The following MTUS2 variants were observed in gnomAD, a reference collection of about 807,000 sequenced individuals.
The protein encoded by MTUS2 is microtubule associated scaffold protein 2, also known as microtubule-associated tumor suppressor candidate 2.
A neutral mutation model predicts 114.1 loss-of-function variants in MTUS2; 40 were observed. The ratio of observed to expected loss-of-function variants is 0.35; its 90% confidence interval spans 0.27 to 0.46. The LOEUF (loss-of-function observed/expected upper bound fraction) is 0.46, where lower values mean the gene tolerates loss of function less well. MTUS2 is among the 20% of genes least tolerant of loss of function. The pLI is 1.00. For synonymous variants in MTUS2, 688 were observed against 672.0 expected, an observed-to-expected ratio of 1.02 and a Z score of -0.37; for missense variants, 1,679 against 1,705.4, an observed-to-expected ratio of 0.98 and a Z score of 0.27.
intron 2 of MTUS2, among the ~76,000 whole-genome samples, chr13:28,846,908 C>T (rs1208301855): frequency 6.6e-6 from 1 of 152,210 alleles, no homozygotes; most frequent in Non-Finnish European, 1.5e-5. Context: ...GGGCTGTATG[C>T]TTCTTCAGTG....
At chr13:29,338,499 A>G (rs906229514) in intron 7 of MTUS2, among the ~76,000 whole-genome samples, 1 of 152,162 alleles carries the variant, frequency 6.6e-6, no homozygotes, top group Non-Finnish European at 1.5e-5. Flanking sequence ...CTGAGGCAGG[A>G]GAATCGCTTG....
intron 9 of MTUS2, among the ~76,000 whole-genome samples, chr13:29,440,391 A>AG (rs1877746688): frequency 6.6e-6 from 1 of 152,222 alleles, no homozygotes; most frequent in African/African-American, 2.4e-5. Context: ...CAGATGTTCC[A>AG]TGGCTTCCTG....
At chr13:29,217,808 C>G (rs780720461) in intron 5 of MTUS2, among the ~76,000 whole-genome samples, 2 of 152,124 alleles carry the variant, frequency 1.3e-5, no homozygotes, top group Non-Finnish European at 2.9e-5. Flanking sequence ...ATTTTAAATT[C>G]TTTTTTGTCA....
chr13:29,464,842 T>C (rs568552782), intron 9 of MTUS2, among the ~76,000 whole-genome samples: 2 of 152,354 alleles, frequency 1.3e-5, no homozygotes, highest in East Asian at 3.9e-4. Flanking sequence ...ATGCAGATTC[T>C]CAGCCCCTGC....
intron 5 of MTUS2, among the ~76,000 whole-genome samples, chr13:29,248,961 A>G (rs1011351415): frequency 6.6e-6 from 1 of 152,144 alleles, no homozygotes; most frequent in East Asian, 1.9e-4. Flanking sequence ...TCTTTATAAC[A>G]GAATGATTTC....
chr13:29,072,167 G>C (rs1311041519), intron 4 of MTUS2: 2 of 152,134 alleles, frequency 1.3e-5, no homozygotes, highest in African/African-American at 4.8e-5. Flanking sequence ...GACATATCTA[G>C]CTCAGTAAGT....
chr13:28,909,918 T>C (rs1052091095), intron 2 of MTUS2, among the ~76,000 whole-genome samples: 2 of 152,186 alleles, frequency 1.3e-5, no homozygotes, highest in Non-Finnish European at 2.9e-5. Context: ...GGGTGCATAG[T>C]AAGTATATAT....
chr13:29,278,633 G>GT (rs1472200055), intron 5 of MTUS2, among the ~76,000 whole-genome samples: 1 of 152,176 alleles, frequency 6.6e-6, no homozygotes, highest in Non-Finnish European at 1.5e-5. Flanking sequence ...ACTATCTCTG[G>GT]TTAATGTGAA....
intron 5 of MTUS2, among the ~76,000 whole-genome samples, chr13:29,102,663 T>C (rs1000787423): frequency 6.6e-6 from 1 of 151,442 alleles, no homozygotes; most frequent in Admixed American, 6.6e-5. Flanking sequence ...TGATTTTTAA[T>C]TATCTGCTAC....
intron 10 of MTUS2, among the ~76,000 whole-genome samples, chr13:29,481,783 T>C (rs1042272194): frequency 1.8e-4 from 27 of 152,338 alleles, no homozygotes; most frequent in African/African-American, 6.0e-4. Context: ...GGTTAGTCAT[T>C]CTTCTTTCCT....
intron 2 of MTUS2, among the ~76,000 whole-genome samples, chr13:28,987,534 C>T (rs775917333): frequency 5.9e-5 from 9 of 152,000 alleles, no homozygotes; most frequent in Non-Finnish European, 1.2e-4. Context: ...TGAGGAAGCT[C>T]GACCCTATTA....
chr13:29,113,045 C>T (rs939235734), intron 5 of MTUS2, among the ~76,000 whole-genome samples: 1 of 152,158 alleles, frequency 6.6e-6, no homozygotes, highest in East Asian at 1.9e-4. Flanking sequence ...CGGAAACAAT[C>T]TGATGGATTT....
At position 29,503,403 on chromosome 13, in the gene MTUS2, C is replaced by G; in HGVS notation, c.*197C>G. 3.2e-6 allele frequency: 2 copies of G among 615,908 alleles called. No individual in the cohort carries two copies. The highest frequency in any genetic ancestry group is 5.7e-6 in the Non-Finnish European group (2 of 351,688). 38.2% of individuals were successfully genotyped at this position (615,908 alleles called of 1,614,324 possible). Reference sequence around the variant, plus strand: ...CTTAGGAATGTGTAAATGGTAAAGTCTGATGTGCAAACGTTTTACCATAGT... The same window carrying G: ...CTTAGGAATGTGTAAATGGTAAAGTGTGATGTGCAAACGTTTTACCATAGT... On this transcript the variant is annotated 3_prime_UTR_variant, in exon 16 of 16. Coordinates refer to ENST00000612955, the MANE Select transcript of MTUS2 (RefSeq NM_001033602.4).
chr13:28,947,589 CG>C (rs1284860614), intron 2 of MTUS2, among the ~76,000 whole-genome samples: 2 of 152,040 alleles, frequency 1.3e-5, no homozygotes, highest in African/African-American at 2.4e-5. Flanking sequence ...AAATTATAAG[CG>C]AGCTCCTCTT....
intron 7 of MTUS2, among the ~76,000 whole-genome samples, chr13:29,357,666 G>A (rs576023985): frequency 6.6e-6 from 1 of 152,260 alleles, no homozygotes; most frequent in East Asian, 1.9e-4. Context: ...TACATATTCA[G>A]GTTGATTTGC....
At chr13:29,309,279 A>G (rs545736447) in intron 6 of MTUS2, among the ~76,000 whole-genome samples, 4 of 152,308 alleles carry the variant, frequency 2.6e-5, no homozygotes, top group African/African-American at 9.6e-5. Flanking sequence ...TGTCCTTTGC[A>G]GGGACACAGA....
chr13:29,166,422 T>C (rs1225109762), intron 5 of MTUS2, among the ~76,000 whole-genome samples: 1 of 152,210 alleles, frequency 6.6e-6, no homozygotes, highest in East Asian at 1.9e-4. Flanking sequence ...ATGGGTACTC[T>C]TGTTCCAGCA....
intron 5 of MTUS2, among the ~76,000 whole-genome samples, chr13:29,245,651 A>G (rs1249923830): frequency 6.6e-6 from 1 of 152,070 alleles, no homozygotes; most frequent in Non-Finnish European, 1.5e-5. Flanking sequence ...TTAGGCATAA[A>G]GCTGGATTTT....
chr13:28,871,989 T>G (rs60139278), intron 2 of MTUS2, among the ~76,000 whole-genome samples: 1 of 152,056 alleles, frequency 6.6e-6, no homozygotes, highest in African/African-American at 2.4e-5. Flanking sequence ...TCACAATGGC[T>G]TGGGACCTCA....
Sources: allele counts gnomAD v4.1 joint callset (sites outside exome capture counted in the v4.1 genomes callset), GRCh38; gene constraint gnomAD v4.1.1; transcripts MANE v1.5; gene names NCBI Gene and HGNC (gene_info 2026-07-23, HGNC 2026-07-21).